The following DKK3 variants were observed in gnomAD, a reference collection of about 807,000 sequenced individuals.
The protein encoded by DKK3 is dickkopf-related protein 3.
In DKK3, 22 loss-of-function variants were observed where a neutral mutation model predicts 33.2. The observed-to-expected ratio is 0.66, with a 90% CI of 0.47 to 0.95. DKK3 has a LOEUF of 0.95. Among genes scored for constraint, DKK3 ranks in the 40% least tolerant of loss-of-function variants. The pLI is 0.00. For missense variants in DKK3, 398 were observed against 458.4 expected (o/e 0.87, Z 1.20); for synonymous variants, 194 against 188.8 (o/e 1.03, Z -0.23).
chr11:11,985,277 C>T (rs1000595262), intron 3 of DKK3, among the ~76,000 whole-genome samples: 3 of 152,174 alleles, frequency 2.0e-5, no homozygotes, highest in Non-Finnish European at 2.9e-5. Context: ...AGGGTTGCCC[C>T]GGCTCTCCAA....
chr11:11,989,113 G>C (rs1381980570), intron 3 of DKK3, among the ~76,000 whole-genome samples: 1 of 152,200 alleles, frequency 6.6e-6, no homozygotes, highest in African/African-American at 2.4e-5. Flanking sequence ...AATGCAAAAT[G>C]GCGCAGCCAC....
chr11:11,965,695 C>A, intron 6 of DKK3, 114 bp downstream of exon 6: 1 of 1,354,720 alleles, frequency 7.4e-7, no homozygotes, highest in East Asian at 2.5e-5. Flanking sequence ...TCAAACCAAT[C>A]CTAAAGGGAA....
In DKK3 at chr11:12,008,277, A is replaced by T; in HGVS notation, c.213+93T>A. On this transcript the variant is annotated intron_variant, in intron 1 of 6. Transcript: ENST00000683431. This position sits in a 1 kb window ranked among gnomAD's most constrained non-coding sequence, Gnocchi z 4.6. ...CTTCCCAGGCCCTGCGCGGGACCCGAGGTCCCTGGCCAGCGCTCTTCCATG... is the reference window on the plus strand; with the variant it reads ...CTTCCCAGGCCCTGCGCGGGACCCGTGGTCCCTGGCCAGCGCTCTTCCATG... 1 of 1,443,800 alleles carries T rather than the reference A, an allele frequency of 6.9e-7. No individual in the cohort carries two copies. Among genetic ancestry groups the T allele is most frequent in the South Asian group, 1.4e-5 (1 of 71,914 alleles). 89.4% of individuals were successfully genotyped at this position (1,443,800 alleles called of 1,614,324 possible).
rs16910311 is a variant in DKK3 at position 11,995,428 on chromosome 11, T to C, written c.435+3268A>G. 3.6e-3 allele frequency among the ~76,000 whole-genome samples: 549 copies of C among 152,258 alleles called. 2 individuals are homozygous for C. The highest frequency in any genetic ancestry group is 0.012 in the African/African-American group (519 of 41,538). ...GTATCTTGGAGTTGCTTGTACATGATTGAACTTACAGCTTCAAACTAGGTG... is the reference window on the plus strand; with the variant it reads ...GTATCTTGGAGTTGCTTGTACATGACTGAACTTACAGCTTCAAACTAGGTG... On this transcript the variant is annotated intron_variant, in intron 3 of 6. Coordinates refer to ENST00000683431, the MANE Select transcript of DKK3 (RefSeq NM_001018057.2).
intron 3 of DKK3, among the ~76,000 whole-genome samples, chr11:11,985,473 G>A (rs1320846560): frequency 6.6e-6 from 1 of 152,206 alleles, no homozygotes; most frequent in Non-Finnish European, 1.5e-5. Flanking sequence ...AAGATTAAGG[G>A]TGATAAGTAT....
chr11:11,972,031 G>A (rs550379775), intron 3 of DKK3, among the ~76,000 whole-genome samples: 7 of 152,260 alleles, frequency 4.6e-5, no homozygotes, highest in Non-Finnish European at 1.0e-4. Context: ...ATTCCCAGCA[G>A]GAACACACTC....
intron 3 of DKK3, 139 bp downstream of exon 3, chr11:11,998,557 T>A: frequency 1.3e-6 from 1 of 761,104 alleles, no homozygotes; most frequent in Non-Finnish European, 2.3e-6. Context: ...AATGTAGGAA[T>A]TGAGGAATCT....
At chr11:11,965,715 C>T (rs1847572734) in intron 6 of DKK3, 94 bp downstream of exon 6, 1 of 1,463,904 alleles carries the variant, frequency 6.8e-7, no homozygotes, top group Non-Finnish European at 9.1e-7. Flanking sequence ...ATCTACACCT[C>T]CCCCAGGGAA....
Position 11,967,981 on chromosome 11 carries a change from C to A in DKK3, c.528+414G>T, listed in dbSNP as rs537810284. Among the ~76,000 whole-genome samples, 4 of 152,228 alleles carry A rather than the reference C, an allele frequency of 2.6e-5. No homozygotes were observed. In the South Asian group the frequency reaches 8.3e-4, roughly 32 times the overall value. On this transcript the variant is annotated intron_variant, in intron 4 of 6. Coordinates refer to ENST00000683431, the MANE Select transcript of DKK3 (RefSeq NM_001018057.2). The stretch of plus-strand genomic sequence containing the variant: ...CTGTTTGTCTATTAGGATGGGTCAT[C>A]CCCAGGGGAAGCAACAGGTGTAGGG...
chr11:12,006,292 A>C (rs1848534596), intron 1 of DKK3, among the ~76,000 whole-genome samples: 1 of 152,162 alleles, frequency 6.6e-6, no homozygotes, highest in Non-Finnish European at 1.5e-5. Flanking sequence ...TGGGCTCTTG[A>C]CCTGACCAGT....
chr11:11,970,578 G>C (rs1847703360), intron 3 of DKK3, among the ~76,000 whole-genome samples: 1 of 152,194 alleles, frequency 6.6e-6, no homozygotes, highest in African/African-American at 2.4e-5. Flanking sequence ...AGAGGCAGAG[G>C]GAATGCAGGT....
chr11:12,008,733 G>A, upstream of DKK3: 1 of 1,207,352 alleles, frequency 8.3e-7, no homozygotes, highest in Non-Finnish European at 1.0e-6. The surrounding 1 kb of genome is among the most constrained non-coding windows in gnomAD (Gnocchi z 4.6). Flanking sequence ...CCCGGAGACG[G>A]GAGGAAACCG....
At chr11:11,979,316 C>T (rs1847906508) in intron 3 of DKK3, among the ~76,000 whole-genome samples, 1 of 152,240 alleles carries the variant, frequency 6.6e-6, no homozygotes, top group African/African-American at 2.4e-5. Flanking sequence ...CTCCAAACTC[C>T]AGGCTGCAAA....
At chr11:11,967,605 G>T (rs1449612740) in intron 4 of DKK3, among the ~76,000 whole-genome samples, 1 of 152,234 alleles carries the variant, frequency 6.6e-6, no homozygotes, top group African/African-American at 2.4e-5. Flanking sequence ...GGTTGGCTGC[G>T]AGGTGCAACA....
intron 3 of DKK3, among the ~76,000 whole-genome samples, chr11:11,982,330 T>C (rs1258166549): frequency 1.3e-5 from 2 of 151,818 alleles, no homozygotes; most frequent in Non-Finnish European, 2.9e-5. Context: ...ACACGTCAGG[T>C]CTCCTAGGAG....
intron 3 of DKK3, among the ~76,000 whole-genome samples, chr11:11,969,693 G>A (rs1363093507): frequency 6.6e-6 from 1 of 152,126 alleles, no homozygotes; most frequent in African/African-American, 2.4e-5. Context: ...CTGAATGCAG[G>A]TGTGGAGCCC....
intron 1 of DKK3, among the ~76,000 whole-genome samples, chr11:12,002,927 A>G (rs1458201260): frequency 1.3e-5 from 2 of 152,202 alleles, no homozygotes; most frequent in African/African-American, 4.8e-5. Context: ...CAGAGGCCCC[A>G]AGTGCTAGGG....
rs1023962855 is a variant in DKK3, at chr11:11,965,980, G to A, written c.674-15C>T. ...GAACAGCAGGCCTGGAACCAGCCCA[G>A]AGTCACCCCTGTGTGCCCCGTGTAG... On this transcript the variant is annotated splice_polypyrimidine_tract_variant and intron_variant, in intron 5 of 6. Coordinates refer to ENST00000683431, the MANE Select transcript of DKK3 (RefSeq NM_001018057.2). The A allele has an allele frequency of 1.2e-6, 2 of 1,606,464 alleles. No homozygotes were observed. The highest frequency in any genetic ancestry group is 1.3e-5 in the African/African-American group (1 of 74,866).
At chr11:11,973,426 G>A (rs1847766513) in intron 3 of DKK3, among the ~76,000 whole-genome samples, 1 of 152,204 alleles carries the variant, frequency 6.6e-6, no homozygotes, top group South Asian at 2.1e-4. Flanking sequence ...TCACGGTCAA[G>A]GCCATAGCCA....
Sources: allele counts gnomAD v4.1 joint callset (sites outside exome capture counted in the v4.1 genomes callset), GRCh38; gene constraint gnomAD v4.1.1; non-coding constraint Gnocchi (gnomAD v3.1); transcripts MANE v1.5; gene names NCBI Gene and HGNC (gene_info 2026-07-23, HGNC 2026-07-21).